POLR2F: variants seen among roughly 807,000 people sequenced by gnomAD.
POLR2F encodes the protein RNA polymerase II, I and III subunit F.
A neutral mutation model predicts 22.7 loss-of-function variants in POLR2F; 12 were observed. That is an observed-to-expected ratio of 0.53 (90% CI 0.34 to 0.86). The LOEUF is 0.86. Among genes scored for constraint, POLR2F ranks in the 40% least tolerant of loss-of-function variants. The probability of loss-of-function intolerance (pLI) is 0.02; values close to 1 mark genes in which losing one functional copy is unlikely to be tolerated. For synonymous variants in POLR2F, 57 were observed against 66.0 expected, an observed-to-expected ratio of 0.86 and a Z score of 0.66; for missense variants, 126 against 171.5, an observed-to-expected ratio of 0.73 and a Z score of 1.48.
At chr22:38,010,602 GTTTTTTTTT>G (rs1159353447) in intron 1 of POLR2F, among the ~76,000 whole-genome samples, 2 of 60,890 alleles carry the variant, frequency 3.3e-5, no homozygotes, top group Admixed American at 1.7e-4. Context: ...AATTCCTTGT[GTTTTTTTTT>G]TTTTTTTTTT....
intron 1 of POLR2F, among the ~76,000 whole-genome samples, chr22:38,021,278 C>T (rs1046555296): frequency 7.9e-5 from 12 of 152,116 alleles, no homozygotes; most frequent in Non-Finnish European, 4.4e-5. Context: ...GAGGGTAGCC[C>T]AGAATTTGCT....
chr22:37,977,991 G>C (rs369439585), intron 4 of POLR2F: 9 of 1,611,690 alleles, frequency 5.6e-6, no homozygotes, highest in Admixed American at 1.7e-5. Context: ...CCTCCCCACC[G>C]GGGCACTCCG....
chr22:37,982,192 G>A (rs1601885779), upstream of POLR2F, among the ~76,000 whole-genome samples: 1 of 152,192 alleles, frequency 6.6e-6, no homozygotes, highest in East Asian at 1.9e-4. Flanking sequence ...CTGTCACCAG[G>A]GTCAGGGGAA....
chr22:37,973,513 C>G (rs771990173), downstream of POLR2F: 1 of 1,607,138 alleles, frequency 6.2e-7, no homozygotes. Context: ...GGGACAGTGT[C>G]GTATATACTG....
intron 1 of POLR2F, among the ~76,000 whole-genome samples, chr22:37,955,538 CAA>C (rs34340640): frequency 2.3e-5 from 3 of 133,288 alleles, no homozygotes; most frequent in Admixed American, 7.6e-5. Flanking sequence ...GACTTTGTCT[CAA>C]AAAAAAAAAA....
At position 37,953,783 on chromosome 22, in the gene POLR2F, G is replaced by A; in HGVS notation, c.-5G>A. The A allele has an allele frequency of 1.2e-6, 2 of 1,609,338 alleles. No individual in the cohort carries two copies. Among genetic ancestry groups the A allele is most frequent in the East Asian group, 2.2e-5 (1 of 44,740 alleles). Reference sequence around the variant, plus strand: ...GCGCAGCGGGGTCGCTGAGGCGAGGGTGTCATGTCAGACAACGAGGACAAG... The same window carrying A: ...GCGCAGCGGGGTCGCTGAGGCGAGGATGTCATGTCAGACAACGAGGACAAG... On this transcript the variant is annotated 5_prime_UTR_variant, in exon 1 of 5. It adds an upstream start codon to the 5' untranslated region. Transcript: ENST00000442738.
intron 1 of POLR2F, among the ~76,000 whole-genome samples, chr22:37,954,278 A>G (rs1214186601): frequency 1.3e-5 from 2 of 152,038 alleles, no homozygotes; most frequent in African/African-American, 4.8e-5. Flanking sequence ...GGCATTAAAT[A>G]AAAGTCTGGG....
At chr22:38,011,827 G>C (rs549598663) in intron 1 of POLR2F, among the ~76,000 whole-genome samples, 1 of 151,348 alleles carries the variant, frequency 6.6e-6, no homozygotes, top group Non-Finnish European at 1.5e-5. Context: ...TACTGGGATT[G>C]AATTAAATCT....
chr22:37,967,786 A>C lies in POLR2F; in HGVS notation c.*71A>C. The stretch of plus-strand genomic sequence containing the variant: ...TCACTTTATATGTGTAAATAATAAA[A>C]TATTCAACTTTCCAACCCCCTTCCC... On this transcript the variant is annotated 3_prime_UTR_variant, in exon 5 of 5. Coordinates refer to ENST00000442738, the MANE Select transcript of POLR2F (RefSeq NM_021974.5). The C allele has an allele frequency of 6.5e-7, 1 of 1,541,430 alleles. No homozygotes were observed. Among genetic ancestry groups the C allele is most frequent in the South Asian group, 1.3e-5 (1 of 79,406 alleles).
At chr22:37,995,234 T>C (rs2084702310) in intron 1 of POLR2F, among the ~76,000 whole-genome samples, 1 of 152,198 alleles carries the variant, frequency 6.6e-6, no homozygotes, top group Non-Finnish European at 1.5e-5. Context: ...TGCTTTTGTT[T>C]CCCACCTTTT....
chr22:37,956,454 T>C (rs1931402974), intron 1 of POLR2F, among the ~76,000 whole-genome samples: 1 of 151,774 alleles, frequency 6.6e-6, no homozygotes, highest in East Asian at 1.9e-4. Context: ...TCTTGTTCTG[T>C]CACCCATGCT....
At position 37,978,087 on chromosome 22, in the gene POLR2F, C is replaced by A; in HGVS notation, c.293+10917C>A. On this transcript the variant is annotated intron_variant, in intron 4 of 4. Transcript: ENST00000405557. This position sits in a 1 kb window ranked among gnomAD's most constrained non-coding sequence, Gnocchi z 5.0. The stretch of plus-strand genomic sequence containing the variant: ...GGTCTTTCTTGTGCTGCATACGGAG[C>A]CGCTCAGCCTCCTCGATGAAGGGGC... The A allele has an allele frequency of 6.3e-7, 1 of 1,599,064 alleles. No homozygotes were observed. The highest frequency in any genetic ancestry group is 8.5e-7 in the Non-Finnish European group (1 of 1,172,042).
At position 38,040,898 on chromosome 22, in the gene POLR2F, A is replaced by G. The variant is rs548797956; in HGVS notation, c.453-170A>G. ...GTGTGGAGGATGTGCCAAGGGGAACATGGGGGCAAGGACCCTGGACAGGAG... is the reference window on the plus strand; with the variant it reads ...GTGTGGAGGATGTGCCAAGGGGAACGTGGGGGCAAGGACCCTGGACAGGAG... On this transcript the variant is annotated intron_variant, in intron 5 of 5. Coordinates refer to the POLR2F transcript ENST00000407936. 13 of 1,005,290 alleles carry G rather than the reference A, an allele frequency of 1.3e-5. No homozygotes were observed. In the African/African-American group the frequency reaches 1.4e-4, roughly 11 times the overall value. 62.3% of individuals were successfully genotyped at this position (1,005,290 alleles called of 1,614,324 possible). A position where few individuals can be genotyped will look rare whatever the true frequency, so the allele number is the denominator to read the frequency against.
intron 1 of POLR2F, among the ~76,000 whole-genome samples, chr22:37,955,402 G>A (rs1198732565): frequency 6.6e-6 from 1 of 151,882 alleles, no homozygotes; most frequent in Non-Finnish European, 1.5e-5. Flanking sequence ...AGCTGGGCAT[G>A]GTGGCGTGTG....
downstream of POLR2F, chr22:38,041,407 C>G: frequency 5.6e-5 from 15 of 269,578 alleles, no homozygotes; most frequent in East Asian, 2.1e-4. Context: ...AGGATCCAGG[C>G]GGGGGATGGA....
At chr22:38,009,038 A>G (rs2145807610) in intron 1 of POLR2F, among the ~76,000 whole-genome samples, 1 of 152,274 alleles carries the variant, frequency 6.6e-6, no homozygotes. Context: ...GCAGTTGGAC[A>G]TTTGGGTATC....
At chr22:38,008,584 TAAA>T (rs1428699127) in intron 1 of POLR2F, among the ~76,000 whole-genome samples, 5 of 145,730 alleles carry the variant, frequency 3.4e-5, no homozygotes, top group Non-Finnish European at 7.5e-5. Flanking sequence ...AACAAAACAT[TAAA>T]AAAGCCAGGC....
chr22:37,966,724 C>T (rs1453608126), intron 3 of POLR2F, among the ~76,000 whole-genome samples: 3 of 152,108 alleles, frequency 2.0e-5, no homozygotes, highest in African/African-American at 7.2e-5. Flanking sequence ...ACGATCTCCC[C>T]ATTGCACTCC....
chr22:38,009,286 G>A (rs1276787329), intron 1 of POLR2F, among the ~76,000 whole-genome samples: 1 of 152,218 alleles, frequency 6.6e-6, no homozygotes, highest in African/African-American at 2.4e-5. Context: ...CCTGATCTCT[G>A]TGTTCACAGG....
Sources: gnomAD v4.1 joint callset for allele counts (sites outside exome capture counted in the v4.1 genomes callset) on GRCh38, gnomAD v4.1.1 for gene constraint, Gnocchi (gnomAD v3.1) non-coding constraint, MANE v1.5 for transcripts, NCBI Gene and HGNC (gene_info 2026-07-23, HGNC 2026-07-21) for gene names.